SSMEM1: variants seen among roughly 807,000 people sequenced by gnomAD.
The protein encoded by SSMEM1 is serine rich single-pass membrane protein 1.
Under a neutral mutation model 9.9 loss-of-function variants are expected in SSMEM1, and 12 were observed. That is an observed-to-expected ratio of 1.21 (90% CI 0.78 to 1.96). The LOEUF (loss-of-function observed/expected upper bound fraction) is 1.96, where lower values mean the gene tolerates loss of function less well. Ranked by LOEUF, SSMEM1 falls within the 30% of genes most tolerant of loss-of-function variation. SSMEM1 has a pLI of 0.00. For synonymous variants in SSMEM1, 96 were observed against 98.9 expected, an observed-to-expected ratio of 0.97 and a Z score of 0.17; for missense variants, 259 against 292.2, an observed-to-expected ratio of 0.89 and a Z score of 0.83.
chr7:130,211,206 G>C (rs1483784833), intron 1 of SSMEM1, among the ~76,000 whole-genome samples: 1 of 134,580 alleles, frequency 7.4e-6, no homozygotes, highest in Non-Finnish European at 1.5e-5. Flanking sequence ...CACCCAAGCT[G>C]GAGTGCAGTG....
chr7:130,209,248 A>G (rs1438843463), intron 1 of SSMEM1, among the ~76,000 whole-genome samples: 1 of 152,236 alleles, frequency 6.6e-6, no homozygotes, highest in Non-Finnish European at 1.5e-5. Flanking sequence ...ACCATCATTT[A>G]GCATTATAGC....
chr7:130,206,709 G>A (rs777585122), upstream of SSMEM1, among the ~76,000 whole-genome samples: 1 of 152,114 alleles, frequency 6.6e-6, no homozygotes, highest in Non-Finnish European at 1.5e-5. Flanking sequence ...AATACCGGCC[G>A]GGCGCGGTGG....
rs117769781 is a variant in SSMEM1, at chr7:130,214,124, C to T, written c.238+590C>T. On this transcript the variant is annotated intron_variant, in intron 2 of 2. Coordinates refer to ENST00000297819, the MANE Select transcript of SSMEM1 (RefSeq NM_145268.4). ...TCCAAAACTCCTGTGTGTACATATG[C>T]TTACTAAAAATTTTACTGATATAAA... 9.8e-3 allele frequency among the ~76,000 whole-genome samples: 1,500 copies of T among 152,292 alleles called. 15 individuals carry two copies. Among genetic ancestry groups the T allele is most frequent in the Non-Finnish European group, 0.014 (983 of 68,020 alleles).
chr7:130,213,093 A>C (rs1200124072), intron 1 of SSMEM1, among the ~76,000 whole-genome samples: 4 of 152,230 alleles, frequency 2.6e-5, no homozygotes, highest in Non-Finnish European at 4.4e-5. Flanking sequence ...CATACCTGTA[A>C]TCCCAGCACT....
At chr7:130,212,460 T>C (rs1246433065) in intron 1 of SSMEM1, among the ~76,000 whole-genome samples, 1 of 152,106 alleles carries the variant, frequency 6.6e-6, no homozygotes, top group Non-Finnish European at 1.5e-5. Context: ...GCGCGGTGGC[T>C]TACATCCGTA....
intron 1 of SSMEM1, 137 bp from the exon 2 acceptor site, chr7:130,213,343 C>G: frequency 1.9e-6 from 1 of 535,706 alleles, no homozygotes; most frequent in East Asian, 4.0e-5. Flanking sequence ...GTGAGACTCT[C>G]CAAAAATAAA....
upstream of SSMEM1, among the ~76,000 whole-genome samples, chr7:130,205,720 C>T (rs980189349): frequency 2.6e-5 from 4 of 152,156 alleles, no homozygotes; most frequent in Non-Finnish European, 5.9e-5. Flanking sequence ...CATGTGTAAA[C>T]TGATTAAGTA....
upstream of SSMEM1, chr7:130,206,936 A>G (rs1360349898): frequency 4.9e-6 from 1 of 203,876 alleles, no homozygotes; most frequent in Admixed American, 5.8e-5. Flanking sequence ...CGGTGAGCCA[A>G]GATGGTGCCA....
At chr7:130,208,462 T>C (rs990537929) in intron 1 of SSMEM1, among the ~76,000 whole-genome samples, 3 of 152,236 alleles carry the variant, frequency 2.0e-5, no homozygotes, top group Non-Finnish European at 4.4e-5. Flanking sequence ...ATATCAGAAA[T>C]ACTTCTTTAA....
chr7:130,214,175 A>G (rs755467380), intron 2 of SSMEM1, among the ~76,000 whole-genome samples: 1 of 152,212 alleles, frequency 6.6e-6, no homozygotes, highest in Non-Finnish European at 1.5e-5. Flanking sequence ...CAGCACCTCC[A>G]GAGGCTGAAG....
upstream of SSMEM1, chr7:130,205,500 CG>C (rs1798428315): frequency 6.7e-7 from 1 of 1,501,852 alleles, no homozygotes; most frequent in Non-Finnish European, 9.2e-7. Context: ...TCTCTTCTCG[CG>C]AGAAAGGGAG....
At chr7:130,213,444 T>C in intron 1 of SSMEM1, 36 bp from the exon 2 acceptor site, 7 of 1,585,930 alleles carry the variant, frequency 4.4e-6, no homozygotes, top group Non-Finnish European at 6.0e-6. Context: ...AAAAAACAAC[T>C]GAGATCACTC....
At position 130,213,838 on chromosome 7, in the gene SSMEM1, A is replaced by C. The variant is rs547873482; in HGVS notation, c.238+304A>C. On this transcript the variant is annotated intron_variant, in intron 2 of 2. Transcript: ENST00000297819. ...AGCATTGTAAGACTTTGCACACTAG[A>C]GGAGGCCCATTGGGGTTGGGTGAGT... 2.6e-5 allele frequency among the ~76,000 whole-genome samples: 4 copies of C among 152,330 alleles called. No homozygotes were observed. The South Asian group carries it at 8.3e-4, about 32-fold the overall frequency.
chr7:130,211,128 CT>C (rs779372328), intron 1 of SSMEM1, among the ~76,000 whole-genome samples: 29 of 150,076 alleles, frequency 1.9e-4, no homozygotes, highest in Non-Finnish European at 3.5e-4. Flanking sequence ...ATATTTAAGC[CT>C]CTTCCAAAAG....
intron 1 of SSMEM1, among the ~76,000 whole-genome samples, chr7:130,210,899 C>A (rs1440729417): frequency 6.6e-6 from 1 of 152,056 alleles, no homozygotes; most frequent in East Asian, 1.9e-4. Flanking sequence ...TTTTTAAATA[C>A]CTTCTCCTGT....
intron 2 of SSMEM1, among the ~76,000 whole-genome samples, chr7:130,214,307 G>A (rs1394450009): frequency 8.5e-5 from 13 of 152,138 alleles, no homozygotes. Flanking sequence ...AGCTACTCAG[G>A]AGGCTGAGGC....
intron 2 of SSMEM1, among the ~76,000 whole-genome samples, chr7:130,213,884 T>C (rs1158389234): frequency 6.6e-6 from 1 of 152,162 alleles, no homozygotes. Flanking sequence ...GACTCCCTAG[T>C]GCAGAGGGAC....
chr7:130,212,454 G>C (rs537158274), intron 1 of SSMEM1, among the ~76,000 whole-genome samples: 1 of 152,046 alleles, frequency 6.6e-6, no homozygotes, highest in Non-Finnish European at 1.5e-5. Flanking sequence ...GGCCAGGCGC[G>C]GTGGCTTACA....
At chr7:130,215,106 C>T (rs1021858315) in intron 2 of SSMEM1, among the ~76,000 whole-genome samples, 2 of 152,218 alleles carry the variant, frequency 1.3e-5, no homozygotes, top group African/African-American at 4.8e-5. Context: ...AGTTCGAGAC[C>T]AGCCTGGCCA....
Sources: gnomAD v4.1 joint callset for allele counts (sites outside exome capture counted in the v4.1 genomes callset) on GRCh38, gnomAD v4.1.1 for gene constraint, MANE v1.5 for transcripts, NCBI Gene and HGNC (gene_info 2026-07-23, HGNC 2026-07-21) for gene names.